The following TTC7B variants were observed in gnomAD, a reference collection of about 807,000 sequenced individuals.
TTC7B encodes the protein tetratricopeptide repeat protein 7B.
Under a neutral mutation model 106.8 loss-of-function variants are expected in TTC7B, and 28 were observed. That is an observed-to-expected ratio of 0.26 (90% CI 0.19 to 0.36). TTC7B has a LOEUF of 0.36. Among genes scored for constraint, TTC7B ranks in the 10% least tolerant of loss-of-function variants. The probability of loss-of-function intolerance (pLI) is 1.00; values close to 1 mark genes in which losing one functional copy is unlikely to be tolerated. For synonymous variants in TTC7B, 405 were observed against 430.6 expected (o/e 0.94, Z 0.74); for missense variants, 862 against 1,076.4 (o/e 0.80, Z 2.79).
At chr14:90,629,672 G>A (rs1300022043) in intron 15 of TTC7B, among the ~76,000 whole-genome samples, 1 of 152,226 alleles carries the variant, frequency 6.6e-6, no homozygotes, top group Non-Finnish European at 1.5e-5. Flanking sequence ...AATGAGATAT[G>A]GGGAGAACTT....
At chr14:90,559,159 C>CT (rs1211044754) in intron 19 of TTC7B, among the ~76,000 whole-genome samples, 2 of 152,372 alleles carry the variant, frequency 1.3e-5, no homozygotes, top group East Asian at 3.9e-4. Flanking sequence ...AAACGCGGAG[C>CT]TTGGAGGATC....
chr14:90,536,008 AAT>A lies in TTC7B; in HGVS notation c.*5358_*5359del, dbSNP rs1250057434. On this transcript the variant is annotated 3_prime_UTR_variant, in exon 20 of 20. Coordinates refer to ENST00000328459, the MANE Select transcript of TTC7B (RefSeq NM_001010854.2). ...TACTTCCTTAAGGGGCCTATCTCCA[AAT>A]ATAGTCACACAGGGGCGGGGGCTCC... 1 of 153,806 alleles carries A rather than the reference AAT, an allele frequency of 6.5e-6. No homozygotes were observed. Among genetic ancestry groups the A allele is most frequent in the Non-Finnish European group, 1.5e-5 (1 of 68,288 alleles). The allele number at this position is 153,806 out of a possible 1,614,324, so 9.5% of individuals were successfully genotyped here.
chr14:90,792,899 G>A (rs1037948612), intron 1 of TTC7B, among the ~76,000 whole-genome samples: 4 of 152,222 alleles, frequency 2.6e-5, no homozygotes, highest in Admixed American at 6.5e-5. Flanking sequence ...ATTACAAGTC[G>A]TTTGTTAGAA....
chr14:90,780,767 C>A lies in TTC7B; in HGVS notation c.416G>T (p.Arg139Leu). 1 of 1,614,240 alleles carries A rather than the reference C, an allele frequency of 6.2e-7. No individual in the cohort carries two copies. The highest frequency in any genetic ancestry group is 8.5e-7 in the Non-Finnish European group (1 of 1,180,044). Reference protein sequence around the residue: ...PLTAVPPYRLRVIAEAYATKG... With the variant: ...PLTAVPPYRLLVIAEAYATKG... The stretch of plus-strand genomic sequence containing the variant: ...GGTAGCGTAGGCTTCTGCGATCACC[C>A]GCAGCCTGTAGGGCGGGACAGCTGT... Residue 139 changes from arginine to leucine, a missense_variant, in exon 3 of 20, where the codon CGG becomes CTG. Physicochemically the swap from Arg to Leu is moderately radical, Grantham distance 102 (BLOSUM62 -2). Coordinates refer to ENST00000328459, the MANE Select transcript of TTC7B (RefSeq NM_001010854.2).
rs773780801 is a variant in TTC7B, at chr14:90,807,340, A to G, written c.121+8835T>C. Reference sequence around the variant, plus strand: ...TGCTGTCCTCAGGCTACAGGGTCACATTCTGTCTCCCACTCGGACAACCAC... The same window carrying G: ...TGCTGTCCTCAGGCTACAGGGTCACGTTCTGTCTCCCACTCGGACAACCAC... On this transcript the variant is annotated intron_variant, in intron 1 of 19. Transcript: ENST00000328459. The surrounding 1 kb of genome is among the most constrained non-coding windows in gnomAD (Gnocchi z 4.1). Among the ~76,000 whole-genome samples, 1 of 152,114 alleles carries G rather than the reference A, an allele frequency of 6.6e-6. No individual in the cohort carries two copies. The highest frequency in any genetic ancestry group is 1.5e-5 in the Non-Finnish European group (1 of 68,020).
chr14:90,616,613 G>A (rs1487872726), intron 16 of TTC7B, among the ~76,000 whole-genome samples: 4 of 152,194 alleles, frequency 2.6e-5, no homozygotes, highest in East Asian at 3.9e-4. Context: ...TGCACTGCCC[G>A]CAGGGCCTGG....
chr14:90,685,769 T>C (rs1033989606), intron 7 of TTC7B, among the ~76,000 whole-genome samples: 2 of 152,044 alleles, frequency 1.3e-5, no homozygotes, highest in Admixed American at 6.6e-5. Context: ...TCTAGAAAGA[T>C]GCAAACTATT....
At chr14:90,664,114 C>T (rs1258688213) in intron 9 of TTC7B, among the ~76,000 whole-genome samples, 1 of 152,240 alleles carries the variant, frequency 6.6e-6, no homozygotes, top group African/African-American at 2.4e-5. Context: ...TATCCACAAC[C>T]GTCGCCCCTT....
intron 15 of TTC7B, among the ~76,000 whole-genome samples, chr14:90,628,594 T>C (rs1884554042): frequency 2.0e-5 from 3 of 151,926 alleles, no homozygotes; most frequent in Non-Finnish European, 2.9e-5. Context: ...CTCTGTGATA[T>C]AGAAATGGCG....
intron 5 of TTC7B, among the ~76,000 whole-genome samples, chr14:90,707,938 A>T (rs1317692047): frequency 6.6e-6 from 1 of 152,034 alleles, no homozygotes; most frequent in African/African-American, 2.4e-5. Context: ...CGAGGTTAGG[A>T]GCTCGAGACC....
At chr14:90,665,859 G>T (rs1234519671) in intron 9 of TTC7B, among the ~76,000 whole-genome samples, 2 of 152,126 alleles carry the variant, frequency 1.3e-5, no homozygotes, top group Admixed American at 1.3e-4. Context: ...CAAATTCCTT[G>T]CAGTTGTGTA....
chr14:90,557,908 G>T (rs1595156828), intron 19 of TTC7B, among the ~76,000 whole-genome samples: 1 of 152,250 alleles, frequency 6.6e-6, no homozygotes, highest in South Asian at 2.1e-4. Context: ...TACCAATGGT[G>T]CAGAGGAGAA....
At chr14:90,801,313 TC>T (rs2058818015) in intron 1 of TTC7B, among the ~76,000 whole-genome samples, 1 of 144,674 alleles carries the variant, frequency 6.9e-6, no homozygotes, top group African/African-American at 2.6e-5. Context: ...TCCCCAAGAG[TC>T]CCCGGAAGGA....
At chr14:90,658,937 G>T (rs1886067756) in intron 9 of TTC7B, among the ~76,000 whole-genome samples, 1 of 152,238 alleles carries the variant, frequency 6.6e-6, no homozygotes. Context: ...TGCACAGAGT[G>T]ACATGATGAC....
intron 13 of TTC7B, among the ~76,000 whole-genome samples, chr14:90,648,155 C>T (rs1379576731): frequency 1.3e-5 from 2 of 152,010 alleles, no homozygotes; most frequent in Non-Finnish European, 2.9e-5. Context: ...AATGTAATAG[C>T]TCATATGCAG....
chr14:90,783,768 C>T (rs1891293743), intron 2 of TTC7B, among the ~76,000 whole-genome samples: 1 of 152,074 alleles, frequency 6.6e-6, no homozygotes, highest in Non-Finnish European at 1.5e-5. Context: ...AAAACCACGT[C>T]TCTATTAAAA....
chr14:90,598,159 A>G lies in TTC7B; in HGVS notation c.1967-4533T>C, dbSNP rs144794707. On this transcript the variant is annotated intron_variant, in intron 17 of 19. Coordinates refer to ENST00000328459, the MANE Select transcript of TTC7B (RefSeq NM_001010854.2). The stretch of plus-strand genomic sequence containing the variant: ...ATGCGCCTCTCCCCGCAGTCACAGG[A>G]CACAGGGGCTCTGAAAAGCCACTGC... Among the ~76,000 whole-genome samples, 11 of 152,330 alleles carry G rather than the reference A, an allele frequency of 7.2e-5. No homozygotes were observed. The East Asian group carries it at 2.1e-3, about 29-fold the overall frequency.
intron 15 of TTC7B, among the ~76,000 whole-genome samples, chr14:90,629,793 C>T (rs1233402708): frequency 1.3e-5 from 2 of 152,348 alleles, no homozygotes; most frequent in East Asian, 3.9e-4. Flanking sequence ...GGCCCAGCCT[C>T]GCCTCTCCCA....
intron 1 of TTC7B, among the ~76,000 whole-genome samples, chr14:90,787,777 T>C (rs1302091390): frequency 2.0e-5 from 3 of 152,164 alleles, no homozygotes; most frequent in East Asian, 3.8e-4. Flanking sequence ...CTTTTAGAGA[T>C]GAGACCTAGA....
Sources: allele counts gnomAD v4.1 joint callset (sites outside exome capture counted in the v4.1 genomes callset), GRCh38; gene constraint gnomAD v4.1.1; non-coding constraint Gnocchi (gnomAD v3.1); transcripts MANE v1.5; gene names NCBI Gene and HGNC (gene_info 2026-07-23, HGNC 2026-07-21).